The following AGBL4 variants were observed in gnomAD, a reference collection of about 807,000 sequenced individuals.
AGBL4 encodes AGBL carboxypeptidase 4, also known as cytosolic carboxypeptidase 6.
Under a neutral mutation model 66.4 loss-of-function variants are expected in AGBL4, and 58 were observed. The observed-to-expected ratio is 0.87, with a 90% CI of 0.71 to 1.09. AGBL4 has a LOEUF of 1.09. Among genes scored for constraint, AGBL4 ranks in the 50% least tolerant of loss-of-function variants. AGBL4 has a pLI of 0.00. For missense variants in AGBL4, 579 were observed against 631.0 expected (o/e 0.92, Z 0.88); for synonymous variants, 234 against 222.9 (o/e 1.05, Z -0.44).
chr1:49,453,189 A>G (rs1385381263), intron 3 of AGBL4, among the ~76,000 whole-genome samples: 3 of 151,946 alleles, frequency 2.0e-5, no homozygotes, highest in African/African-American at 4.8e-5. Flanking sequence ...GGTATTAACC[A>G]TACAATGTCA....
intron 9 of AGBL4, among the ~76,000 whole-genome samples, chr1:48,618,368 C>G (rs1645354138): frequency 6.6e-6 from 1 of 152,186 alleles, no homozygotes. Flanking sequence ...TCCCCGGGGC[C>G]TGGAGTGCAT....
chr1:49,281,847 T>G (rs556451823), intron 3 of AGBL4, among the ~76,000 whole-genome samples: 1 of 152,334 alleles, frequency 6.6e-6, no homozygotes, highest in East Asian at 1.9e-4. Context: ...CTTTTCTATA[T>G]CTTGCCCCAT....
intron 2 of AGBL4, among the ~76,000 whole-genome samples, chr1:49,794,670 G>C (rs1418539259): frequency 6.6e-6 from 1 of 151,880 alleles, no homozygotes; most frequent in Non-Finnish European, 1.5e-5. Flanking sequence ...CCCAACGCCA[G>C]TAAAAGTTTT....
Position 49,971,916 on chromosome 1 carries a change from T to G in AGBL4, c.34+51847A>C, listed in dbSNP as rs1197714196. ...TGCAGGGTTTTTTTGGGTTTTTTTT[T>G]TTTTTTTTTTTTTTTTGCAGGGACG... On this transcript the variant is annotated intron_variant, in intron 1 of 13. Coordinates refer to ENST00000371839, the MANE Select transcript of AGBL4 (RefSeq NM_032785.4). 1.4e-3 allele frequency among the ~76,000 whole-genome samples: 138 copies of G among 96,556 alleles called. 4 individuals are homozygous for G. The highest frequency in any genetic ancestry group is 1.9e-3 in the Non-Finnish European group (88 of 46,214). 63.3% of individuals were successfully genotyped at this position (96,556 alleles called of 152,430 possible). A position where few individuals can be genotyped will look rare whatever the true frequency, so the allele number is the denominator to read the frequency against.
At chr1:48,614,683 T>C (rs372235880) in intron 9 of AGBL4, among the ~76,000 whole-genome samples, 1 of 152,234 alleles carries the variant, frequency 6.6e-6, no homozygotes, top group African/African-American at 2.4e-5. Context: ...GGTTGTTCTA[T>C]CTACCTCACC....
At chr1:48,692,814 C>A (rs72902832) in intron 6 of AGBL4, among the ~76,000 whole-genome samples, 2 of 152,136 alleles carry the variant, frequency 1.3e-5, no homozygotes, top group Non-Finnish European at 2.9e-5. Flanking sequence ...TCTTCTTACA[C>A]AGGGAAATGG....
At chr1:49,580,076 T>TC (rs1411502247) in intron 3 of AGBL4, among the ~76,000 whole-genome samples, 1 of 152,038 alleles carries the variant, frequency 6.6e-6, no homozygotes, top group African/African-American at 2.4e-5. Context: ...CTTCTTTGTC[T>TC]TTTTTTTAAC....
chr1:49,465,016 C>A (rs761063627), intron 3 of AGBL4, among the ~76,000 whole-genome samples: 1 of 151,694 alleles, frequency 6.6e-6, no homozygotes, highest in Non-Finnish European at 1.5e-5. Flanking sequence ...GTAACATGCA[C>A]TTCCCTCACA....
In AGBL4 at chr1:49,245,171, A is replaced by T. The variant is rs550068837; in HGVS notation, c.377+599T>A. Among the ~76,000 whole-genome samples, 45 of 151,110 alleles carry T rather than the reference A, an allele frequency of 3.0e-4. 1 individual carries two copies. Among genetic ancestry groups the T allele is most frequent in the African/African-American group, 1.0e-3 (43 of 41,280 alleles). On this transcript the variant is annotated intron_variant, in intron 4 of 13. Transcript: ENST00000371839. ...TATTACTAGTATTATTAATATTATT[A>T]TTACCATCATTATTACAATTATTAA...
chr1:49,201,455 T>C (rs534962072), intron 4 of AGBL4, among the ~76,000 whole-genome samples: 8 of 152,280 alleles, frequency 5.3e-5, no homozygotes, highest in African/African-American at 1.9e-4. Context: ...TCAAAAAACT[T>C]TCACAATATT....
chr1:48,772,253 G>C (rs1020004203), intron 6 of AGBL4, among the ~76,000 whole-genome samples: 4 of 152,254 alleles, frequency 2.6e-5, no homozygotes, highest in African/African-American at 9.6e-5. Context: ...TGAAAAGAGA[G>C]TTCTGAGGAG....
rs545691447 is a variant in AGBL4 at position 49,350,667 on chromosome 1, C to G, written c.283-104803G>C. 3.3e-5 allele frequency among the ~76,000 whole-genome samples: 5 copies of G among 152,252 alleles called. No individual in the cohort carries two copies. The South Asian group carries it at 1.0e-3, about 32-fold the overall frequency. On this transcript the variant is annotated intron_variant, in intron 3 of 13. Transcript: ENST00000371839. ...AGAGGTGTTTGGTTACATGAATGTT[C>G]TTTAATGGTGATTTCTGAGATTTTG...
chr1:49,019,058 T>C (rs1209604730), intron 5 of AGBL4, among the ~76,000 whole-genome samples: 1 of 152,132 alleles, frequency 6.6e-6, no homozygotes, highest in African/African-American at 2.4e-5. Flanking sequence ...TGACTCCTTC[T>C]CTGGCTTAAC....
intron 5 of AGBL4, among the ~76,000 whole-genome samples, chr1:48,896,520 G>A (rs1318262919): frequency 6.6e-6 from 1 of 152,224 alleles, no homozygotes; most frequent in African/African-American, 2.4e-5. Flanking sequence ...GATGGCTACA[G>A]AAGAAGCAAC....
rs1249143259 is a variant in AGBL4 at position 49,287,594 on chromosome 1, C to A, written c.283-41730G>T. ...TTCTCAAAAGAAGACATTTATGCAGCCAAAAAACACATGAAGAAATGCTCA... is the reference window on the plus strand; with the variant it reads ...TTCTCAAAAGAAGACATTTATGCAGACAAAAAACACATGAAGAAATGCTCA... On this transcript the variant is annotated intron_variant, in intron 3 of 13. Coordinates refer to ENST00000371839, the MANE Select transcript of AGBL4 (RefSeq NM_032785.4). Among the ~76,000 whole-genome samples the A allele has an allele frequency of 4.6e-5, 7 of 152,166 alleles. No individual in the cohort carries two copies. In the East Asian group the frequency reaches 1.2e-3, roughly 25 times the overall value.
intron 5 of AGBL4, among the ~76,000 whole-genome samples, chr1:49,021,320 A>G (rs1663232284): frequency 6.6e-6 from 1 of 152,188 alleles, no homozygotes; most frequent in Non-Finnish European, 1.5e-5. Context: ...TTAAGATAAA[A>G]GTAGAGCCTA....
chr1:49,493,750 G>C (rs1174675221), intron 3 of AGBL4, among the ~76,000 whole-genome samples: 2 of 151,920 alleles, frequency 1.3e-5, no homozygotes, highest in Non-Finnish European at 2.9e-5. Context: ...ATGTCTTCAT[G>C]AGTTTTGAAT....
At chr1:48,993,324 C>T (rs1660753445) in intron 5 of AGBL4, among the ~76,000 whole-genome samples, 1 of 152,156 alleles carries the variant, frequency 6.6e-6, no homozygotes, top group African/African-American at 2.4e-5. Flanking sequence ...CTCTGCCTGA[C>T]ACCCTATCCT....
chr1:49,593,317 G>A (rs1644789013), intron 3 of AGBL4, among the ~76,000 whole-genome samples: 1 of 152,084 alleles, frequency 6.6e-6, no homozygotes, highest in Non-Finnish European at 1.5e-5. Flanking sequence ...TGAGGCAGGA[G>A]AATGGTGTGA....
Sources: gnomAD v4.1 joint callset for allele counts (sites outside exome capture counted in the v4.1 genomes callset) on GRCh38, gnomAD v4.1.1 for gene constraint, MANE v1.5 for transcripts, NCBI Gene and HGNC (gene_info 2026-07-23, HGNC 2026-07-21) for gene names.